Variants in DDX10 observed in about 807,000 individuals in gnomAD.
DDX10 encodes the protein DEAD-box helicase 10.
In DDX10, 74 loss-of-function variants were observed where a neutral mutation model predicts 104.3. The observed-to-expected ratio is 0.71, with a 90% CI of 0.59 to 0.86. The LOEUF is 0.86. Among genes scored for constraint, DDX10 ranks in the 40% least tolerant of loss-of-function variants. The probability of loss-of-function intolerance (pLI) is 0.00; values close to 1 mark genes in which losing one functional copy is unlikely to be tolerated. For synonymous variants in DDX10, 351 were observed against 353.4 expected (o/e 0.99, Z 0.08); for missense variants, 952 against 1,040.0 (o/e 0.92, Z 1.16).
intron 15 of DDX10, 50 bp downstream of exon 15, chr11:108,841,526 G>C (rs1179947991): frequency 6.6e-7 from 1 of 1,520,446 alleles, no homozygotes; most frequent in Non-Finnish European, 9.0e-7. Flanking sequence ...GTGTCCCGAA[G>C]TATATCTAAA....
At chr11:108,926,522 T>C (rs867607286) in intron 17 of DDX10, among the ~76,000 whole-genome samples, 1 of 152,218 alleles carries the variant, frequency 6.6e-6, no homozygotes, top group Non-Finnish European at 1.5e-5. Context: ...CCTTTTGCAG[T>C]TATGTTTATA....
intron 13 of DDX10, among the ~76,000 whole-genome samples, chr11:108,820,518 A>AT: frequency 6.6e-6 from 1 of 152,198 alleles, no homozygotes; most frequent in Non-Finnish European, 1.5e-5. Context: ...TTCTTTTAGA[A>AT]TAAGTGGCCG....
intron 16 of DDX10, among the ~76,000 whole-genome samples, chr11:108,904,573 T>C (rs559206087): frequency 6.6e-6 from 1 of 152,318 alleles, no homozygotes; most frequent in African/African-American, 2.4e-5. Flanking sequence ...AATAGCTCAC[T>C]GAGAGAAATG....
chr11:108,786,199 G>A lies in DDX10; in HGVS notation c.1966-52247G>A, dbSNP rs77985926. On this transcript the variant is annotated intron_variant, in intron 13 of 17. Transcript: ENST00000322536. ...TATCAATTTCTGTTTTTATTGCACCGTGGTCTGAGAGTGTGTTTGGAATTA... is the reference window on the plus strand; with the variant it reads ...TATCAATTTCTGTTTTTATTGCACCATGGTCTGAGAGTGTGTTTGGAATTA... 7.6e-3 allele frequency among the ~76,000 whole-genome samples: 1,161 copies of A among 152,034 alleles called. 12 individuals are homozygous for A. Among genetic ancestry groups the A allele is most frequent in the African/African-American group, 0.027 (1,107 of 41,446 alleles).
At chr11:108,854,412 T>C (rs1037383149) in intron 16 of DDX10, among the ~76,000 whole-genome samples, 7 of 152,230 alleles carry the variant, frequency 4.6e-5, no homozygotes, top group Admixed American at 2.0e-4. Flanking sequence ...GATCCTCTTA[T>C]GTAAACCTAA....
chr11:108,670,607 G>A (rs2094215724), intron 1 of DDX10, among the ~76,000 whole-genome samples: 3 of 152,142 alleles, frequency 2.0e-5, no homozygotes, highest in African/African-American at 2.4e-5. Context: ...CAGCAGGAGG[G>A]TGGTGTATTT....
intron 3 of DDX10, among the ~76,000 whole-genome samples, chr11:108,676,118 A>G (rs1322005220): frequency 6.6e-6 from 1 of 152,208 alleles, no homozygotes; most frequent in African/African-American, 2.4e-5. Flanking sequence ...CACCTTGTTT[A>G]GGATAAAGCT....
At chr11:108,689,085 T>G in intron 7 of DDX10, 23 bp downstream of exon 7, 1 of 1,612,292 alleles carries the variant, frequency 6.2e-7, no homozygotes, top group Non-Finnish European at 8.5e-7. Flanking sequence ...TATTTTGCTT[T>G]CTGAACGTAT....
At chr11:108,682,759 A>T (rs1341123692) in intron 6 of DDX10, among the ~76,000 whole-genome samples, 1 of 151,830 alleles carries the variant, frequency 6.6e-6, no homozygotes, top group African/African-American at 2.4e-5. Context: ...CCACCTGAGA[A>T]TTTTTCTTTT....
intron 13 of DDX10, among the ~76,000 whole-genome samples, chr11:108,805,671 T>A (rs905375290): frequency 6.6e-6 from 1 of 152,200 alleles, no homozygotes; most frequent in African/African-American, 2.4e-5. Flanking sequence ...AGGAGTGATC[T>A]TTTTGGATCA....
intron 13 of DDX10, among the ~76,000 whole-genome samples, chr11:108,809,182 A>G (rs535438129): frequency 6.6e-6 from 1 of 152,318 alleles, no homozygotes; most frequent in African/African-American, 2.4e-5. Context: ...CATTCACTCA[A>G]ACATTTAGTA....
Position 108,677,066 on chromosome 11 carries a change from A to G in DDX10, c.379-19A>G. 2 of 1,588,838 alleles carry G rather than the reference A, an allele frequency of 1.3e-6. No individual in the cohort carries two copies. Among genetic ancestry groups the G allele is most frequent in the Non-Finnish European group, 8.6e-7 (1 of 1,163,344 alleles). On this transcript the variant is annotated intron_variant, in intron 3 of 17. Transcript: ENST00000322536. ...GACTTCTGATGACTTACTGAACATG[A>G]ATTTGCTGTCTTTTTGAGGTGCTGG...
chr11:108,880,260 GGT>G (rs1352928099), intron 16 of DDX10, among the ~76,000 whole-genome samples: 3 of 152,072 alleles, frequency 2.0e-5, no homozygotes, highest in Non-Finnish European at 4.4e-5. Flanking sequence ...ATACTGATCT[GGT>G]GTGTCTTCCT....
intron 13 of DDX10, among the ~76,000 whole-genome samples, chr11:108,804,297 C>T (rs1262048464): frequency 3.3e-5 from 5 of 151,904 alleles, no homozygotes; most frequent in Admixed American, 2.6e-4. Context: ...TAGGGGCTTG[C>T]AGTCAGCCTG....
chr11:108,739,175 C>T (rs933745193), intron 13 of DDX10, among the ~76,000 whole-genome samples: 1 of 152,094 alleles, frequency 6.6e-6, no homozygotes, highest in African/African-American at 2.4e-5. Context: ...CATGAGATGT[C>T]CATGGATGAT....
At chr11:108,880,150 T>A (rs1863208035) in intron 16 of DDX10, among the ~76,000 whole-genome samples, 1 of 152,202 alleles carries the variant, frequency 6.6e-6, no homozygotes, top group African/African-American at 2.4e-5. Flanking sequence ...AAGTTCAAGG[T>A]GCTGTCAAGA....
At chr11:108,692,291 A>G (rs940845588) in intron 8 of DDX10, among the ~76,000 whole-genome samples, 2 of 152,178 alleles carry the variant, frequency 1.3e-5, no homozygotes, top group Admixed American at 1.3e-4. Context: ...CTACAAAATC[A>G]AAGGGGGTTA....
intron 13 of DDX10, among the ~76,000 whole-genome samples, chr11:108,809,299 G>A (rs1414764950): frequency 6.6e-6 from 1 of 152,190 alleles, no homozygotes; most frequent in African/African-American, 2.4e-5. Context: ...TAGACTTTCA[G>A]AGGTAGTTTG....
At chr11:108,891,808 G>A (rs1177051531) in intron 16 of DDX10, among the ~76,000 whole-genome samples, 1 of 152,140 alleles carries the variant, frequency 6.6e-6, no homozygotes, top group Non-Finnish European at 1.5e-5. Flanking sequence ...TGAGCAGCAG[G>A]CATGGAGCCA....
Sources: allele counts gnomAD v4.1 joint callset (sites outside exome capture counted in the v4.1 genomes callset), GRCh38; gene constraint gnomAD v4.1.1; transcripts MANE v1.5; gene names NCBI Gene and HGNC (gene_info 2026-07-23, HGNC 2026-07-21).